TAF4: variants seen among roughly 807,000 people sequenced by gnomAD.
The protein encoded by TAF4 is transcription initiation factor TFIID subunit 4.
TAF4 carries 9 observed loss-of-function variants against 90.3 expected under a neutral mutation model. The ratio of observed to expected loss-of-function variants is 0.10; its 90% CI spans 0.06 to 0.17. The LOEUF (loss-of-function observed/expected upper bound fraction) is 0.17, where lower values mean the gene tolerates loss of function less well. Among genes scored for constraint, TAF4 ranks in the 10% least tolerant of loss-of-function variants. TAF4 has a pLI of 1.00. For synonymous variants in TAF4, 818 were observed against 638.9 expected (o/e 1.28, Z -4.23); for missense variants, 1,351 against 1,370.7 (o/e 0.99, Z 0.23).
intron 1 of TAF4, among the ~76,000 whole-genome samples, chr20:62,045,184 C>CG (rs28382026): frequency 6.6e-6 from 1 of 152,234 alleles, no homozygotes; most frequent in Admixed American, 6.5e-5. Flanking sequence ...GCCGCTCAAA[C>CG]GGAATCCCAT....
intron 8 of TAF4, 106 bp downstream of exon 8, chr20:62,003,625 A>C: frequency 1.5e-6 from 2 of 1,372,734 alleles, no homozygotes; most frequent in Non-Finnish European, 1.9e-6. Context: ...AAAATGGCCA[A>C]TTTTATGTAA....
At chr20:62,024,333 C>A (rs1348556793) in intron 1 of TAF4, among the ~76,000 whole-genome samples, 1 of 152,174 alleles carries the variant, frequency 6.6e-6, no homozygotes, top group Non-Finnish European at 1.5e-5. Context: ...CAGAAGAAAA[C>A]AGGAGAACAT....
intron 1 of TAF4, among the ~76,000 whole-genome samples, chr20:62,021,864 C>T (rs1042606429): frequency 4.6e-5 from 7 of 152,164 alleles, no homozygotes; most frequent in East Asian, 1.9e-4. Flanking sequence ...AAAAGACAGC[C>T]GGCACCTCAG....
intron 14 of TAF4, among the ~76,000 whole-genome samples, chr20:61,994,400 C>G (rs1326264501): frequency 6.6e-6 from 1 of 152,198 alleles, no homozygotes; most frequent in Non-Finnish European, 1.5e-5. Context: ...TATTTCTGGC[C>G]CAGAGAAGAA....
intron 14 of TAF4, among the ~76,000 whole-genome samples, chr20:61,985,268 T>G (rs1218159189): frequency 6.6e-6 from 1 of 151,602 alleles, no homozygotes; most frequent in Non-Finnish European, 1.5e-5. Context: ...TGCAGGTGAA[T>G]GACGGCCACA....
chr20:62,004,911 G>C (rs140833960), intron 7 of TAF4: 3 of 152,398 alleles, frequency 2.0e-5, no homozygotes, highest in Admixed American at 6.5e-5. Flanking sequence ...CTGGGGCCTA[G>C]AGACACTGGC....
chr20:62,029,723 T>C (rs909088909), intron 1 of TAF4, among the ~76,000 whole-genome samples: 1 of 151,852 alleles, frequency 6.6e-6, no homozygotes, highest in Non-Finnish European at 1.5e-5. Context: ...CTGGCCAACA[T>C]GACGAAACCC....
At chr20:62,050,017 C>G (rs866028170) in intron 1 of TAF4, among the ~76,000 whole-genome samples, 1 of 152,166 alleles carries the variant, frequency 6.6e-6, no homozygotes, top group Admixed American at 6.5e-5. Flanking sequence ...CAGCCTCACC[C>G]GCTCACCCCA....
At chr20:62,060,885 T>G (rs561515786) in intron 1 of TAF4, among the ~76,000 whole-genome samples, 1 of 152,222 alleles carries the variant, frequency 6.6e-6, no homozygotes, top group African/African-American at 2.4e-5. Flanking sequence ...AAACATCCAG[T>G]CTGGATTAAT....
intron 14 of TAF4, among the ~76,000 whole-genome samples, chr20:61,982,213 A>G (rs2055550378): frequency 6.4e-5 from 1 of 15,650 alleles, no homozygotes; most frequent in Non-Finnish European, 1.4e-4. Context: ...GAGAGGAGAC[A>G]CCAAACCCAC....
chr20:62,037,916 G>C (rs750569325), intron 1 of TAF4: 11 of 205,590 alleles, frequency 5.4e-5, no homozygotes, highest in African/African-American at 2.6e-4. Flanking sequence ...GGATTTGCAC[G>C]ATTTTGTGGG....
At chr20:62,047,815 A>G (rs2056002028) in intron 1 of TAF4, among the ~76,000 whole-genome samples, 1 of 152,166 alleles carries the variant, frequency 6.6e-6, no homozygotes, top group Admixed American at 6.5e-5. Flanking sequence ...ATACAAACGC[A>G]CGCTATCCAA....
In TAF4 at chr20:62,003,406, ATAT is replaced by A. The variant is rs1371231191; in HGVS notation, c.2372-135_2372-133del. The A allele has an allele frequency of 8.1e-6, 6 of 742,692 alleles. No individual in the cohort carries two copies. The African/African-American group carries it at 1.1e-4, about 13-fold the overall frequency. The allele number at this position is 742,692 out of a possible 1,614,324, so 46.0% of individuals were successfully genotyped here. On this transcript the variant is annotated intron_variant, in intron 8 of 14. Transcript: ENST00000252996. Reference sequence around the variant, plus strand: ...CTACAAGAAAGTTTCCAAAAACTTCATATTAATAACTCTAAATTACAGTACAAA... The same window carrying A: ...CTACAAGAAAGTTTCCAAAAACTTCATAATAACTCTAAATTACAGTACAAA...
intron 1 of TAF4, among the ~76,000 whole-genome samples, chr20:62,021,942 A>C (rs2055846123): frequency 6.6e-6 from 1 of 152,162 alleles, no homozygotes; most frequent in Non-Finnish European, 1.5e-5. Flanking sequence ...GGAGCAGGGC[A>C]GGTCCAAAGC....
chr20:62,023,208 A>G (rs1237698515), intron 1 of TAF4, among the ~76,000 whole-genome samples: 1 of 152,248 alleles, frequency 6.6e-6, no homozygotes, highest in East Asian at 1.9e-4. Flanking sequence ...TCAGGAGGCC[A>G]AGGCGGGCAG....
Position 62,065,514 on chromosome 20 carries a change from G to A in TAF4, c.297C>T (p.Gly99=). ...PPPAGRARPG[G]GGPQRPGPPS... is the part of the protein sequence containing the mutation. ...GGGGGCCCGGGCGCTGCGGCCCCCC[G>A]CCCCCCGGCCGCGCTCTACCTGCGG... The change falls in exon 1 of 15, where the codon GGC becomes GGT. Residue 99 remains glycine, a synonymous_variant. Coordinates refer to ENST00000252996, the MANE Select transcript of TAF4 (RefSeq NM_003185.4). 16 of 973,980 alleles carry A rather than the reference G, an allele frequency of 1.6e-5. No individual in the cohort carries two copies. Among genetic ancestry groups the A allele is most frequent in the Non-Finnish European group, 1.9e-5 (16 of 823,512 alleles). The allele number at this position is 973,980 out of a possible 1,614,324, so 60.3% of individuals were successfully genotyped here.
Position 62,064,851 on chromosome 20 carries a change from CCCGGCGGCCGGG to C in TAF4, c.948_959del (p.Pro317_Gly320del), listed in dbSNP as rs1288578704. The C allele has an allele frequency of 1.0e-6, 1 of 966,848 alleles. No homozygotes were observed. Among genetic ancestry groups the C allele is most frequent in the African/African-American group, 1.8e-5 (1 of 55,356 alleles). 59.9% of individuals were successfully genotyped at this position (966,848 alleles called of 1,614,324 possible). A position where few individuals can be genotyped will look rare whatever the true frequency, so the allele number is the denominator to read the frequency against. ...GTTGGCCGCTGACCCCCGCGGGGCC[CCCGGCGGCCGGG>C]GCGGGGGCGGGGGCTGCCCCGGCGC... On this transcript the variant is annotated inframe_deletion, in exon 1 of 15. Transcript: ENST00000252996.
At position 61,986,354 on chromosome 20, in the gene TAF4, AT is replaced by A. The variant is rs1244917999; in HGVS notation, c.3091-10020del. On this transcript the variant is annotated intron_variant, in intron 14 of 14. Coordinates refer to ENST00000252996, the MANE Select transcript of TAF4 (RefSeq NM_003185.4). ...CCCATCAAAGGAAACACCATCCCCAATCAAAGGAAACACCATCCCCAATCAA... is the reference window on the plus strand; with the variant it reads ...CCCATCAAAGGAAACACCATCCCCAACAAAGGAAACACCATCCCCAATCAA... Among the ~76,000 whole-genome samples, 140 of 99,450 alleles carry A rather than the reference AT, an allele frequency of 1.4e-3. 2 individuals are homozygous for A. The highest frequency in any genetic ancestry group is 2.1e-3 in the Non-Finnish European group (96 of 45,944). 65.2% of individuals were successfully genotyped at this position (99,450 alleles called of 152,430 possible).
In TAF4 at chr20:62,048,029, G is replaced by A. The variant is rs926902576; in HGVS notation, c.1360+16422C>T. Among the ~76,000 whole-genome samples the A allele has an allele frequency of 2.6e-5, 4 of 152,170 alleles. No individual in the cohort carries two copies. In the South Asian group the frequency reaches 8.3e-4, roughly 32 times the overall value. On this transcript the variant is annotated intron_variant, in intron 1 of 14. Transcript: ENST00000252996. ...CCTCACTGGACCACCCCCTCATCAA[G>A]ATGCCTGGTCCCCCACCCAGAGTCA...
Sources: gnomAD v4.1 joint callset for allele counts (sites outside exome capture counted in the v4.1 genomes callset) on GRCh38, gnomAD v4.1.1 for gene constraint, MANE v1.5 for transcripts, NCBI Gene and HGNC (gene_info 2026-07-23, HGNC 2026-07-21) for gene names.